The following PTPRZ1 variants were observed in gnomAD, a reference collection of about 807,000 sequenced individuals.
PTPRZ1 encodes the protein protein tyrosine phosphatase receptor type Z1.
A neutral mutation model predicts 214.1 loss-of-function variants in PTPRZ1; 82 were observed. The ratio of observed to expected loss-of-function variants is 0.38; its 90% CI spans 0.32 to 0.46. The LOEUF is 0.46. Ranked by LOEUF, PTPRZ1 falls within the 20% of genes least tolerant of loss-of-function variation. PTPRZ1 has a pLI of 1.00. For missense variants in PTPRZ1, 2,603 were observed against 2,748.7 expected, an observed-to-expected ratio of 0.95 and a Z score of 1.19; for synonymous variants, 945 against 987.9, an observed-to-expected ratio of 0.96 and a Z score of 0.81.
intron 2 of PTPRZ1, among the ~76,000 whole-genome samples, chr7:121,951,898 C>T (rs1184126731): frequency 6.6e-6 from 1 of 152,306 alleles, no homozygotes; most frequent in Non-Finnish European, 1.5e-5. Flanking sequence ...GAATCTTCCC[C>T]TGGGCTGAAA....
chr7:122,042,502 T>G, intron 21 of PTPRZ1, 106 bp from the exon 22 acceptor site: 1 of 1,165,388 alleles, frequency 8.6e-7, no homozygotes, highest in East Asian at 2.6e-5. Flanking sequence ...CTCACTCGCT[T>G]GAAGAAGGAA....
chr7:121,901,830 A>G (rs1424002090), intron 1 of PTPRZ1, among the ~76,000 whole-genome samples: 2 of 152,194 alleles, frequency 1.3e-5, no homozygotes, highest in African/African-American at 2.4e-5. Context: ...CCACCACCTC[A>G]AACACTTTTC....
rs1316724934 is a variant in PTPRZ1, at chr7:122,011,849, G to A, written c.2803G>A (p.Gly935Ser). ...TTCTTATGCCTTGTCTGATAATGAG[G>A]GCTCCCAACACATCTTCACTGTTTC... ...EPSYALSDNE[G>S]SQHIFTVSYS... Residue 935 changes from glycine (G) to serine (S), a missense_variant, in exon 12 of 30, where the codon GGC (glycine) becomes AGC (serine). Gly to Ser is a moderately conservative substitution (Grantham distance 56). This residue lies in a region of PTPRZ1 where 1,913 missense variants were observed against 1,914.3 expected (regional missense o/e 1.00). Coordinates refer to ENST00000393386, the MANE Select transcript of PTPRZ1 (RefSeq NM_002851.3). 5.0e-6 allele frequency: 8 copies of A among 1,613,684 alleles called. No individual in the cohort carries two copies. The highest frequency in any genetic ancestry group is 6.8e-6 in the Non-Finnish European group (8 of 1,179,696).
Position 122,059,803 on chromosome 7 carries a change from AC to A in PTPRZ1, c.6724del (p.Gln2242AsnfsTer2). On this transcript the variant is annotated frameshift_variant, in exon 29 of 30. Coordinates refer to ENST00000393386, the MANE Select transcript of PTPRZ1 (RefSeq NM_002851.3). LOFTEE classifies it high-confidence loss of function. ...GTFCALTTLM[H>X]QLEKENSVDV... ...TTCTGTGCTCTGACAACCCTTATGCACCAACTAGAAAAAGAAAATTCCGTGG... is the reference window on the plus strand; with the variant it reads ...TTCTGTGCTCTGACAACCCTTATGCACAACTAGAAAAAGAAAATTCCGTGG... 1 of 1,613,406 alleles carries A rather than the reference AC, an allele frequency of 6.2e-7. No homozygotes were observed. The highest frequency in any genetic ancestry group is 8.5e-7 in the Non-Finnish European group (1 of 1,179,750).
intron 1 of PTPRZ1, among the ~76,000 whole-genome samples, chr7:121,902,399 A>G (rs1794989286): frequency 6.6e-6 from 1 of 152,170 alleles, no homozygotes; most frequent in Non-Finnish European, 1.5e-5. Flanking sequence ...TGGTTGACAC[A>G]TGTGGTAGTT....
intron 13 of PTPRZ1, among the ~76,000 whole-genome samples, chr7:122,024,397 G>C (rs1799144849): frequency 6.6e-6 from 1 of 152,056 alleles, no homozygotes; most frequent in East Asian, 1.9e-4. Context: ...GTAGGGAGAT[G>C]AAAAGCAATA....
intron 8 of PTPRZ1, among the ~76,000 whole-genome samples, chr7:121,988,852 A>C (rs984822970): frequency 1.3e-5 from 2 of 152,222 alleles, no homozygotes; most frequent in African/African-American, 4.8e-5. Context: ...CATCCTTTAA[A>C]TAATTTAAAA....
intron 2 of PTPRZ1, among the ~76,000 whole-genome samples, chr7:121,932,748 GA>G (rs1014916755): frequency 2.0e-5 from 3 of 152,032 alleles, no homozygotes; most frequent in Admixed American, 6.6e-5. Context: ...AAGTAATTAT[GA>G]AAAAAATTAC....
chr7:122,006,421 A>G (rs1242259578), intron 11 of PTPRZ1, among the ~76,000 whole-genome samples: 2 of 152,050 alleles, frequency 1.3e-5, no homozygotes, highest in Non-Finnish European at 2.9e-5. Context: ...TCAGCCTCTA[A>G]TAACCACTAT....
chr7:121,875,079 A>G (rs926982648), intron 1 of PTPRZ1, among the ~76,000 whole-genome samples: 24 of 152,102 alleles, frequency 1.6e-4, no homozygotes, highest in African/African-American at 5.6e-4. Context: ...ACATTATACA[A>G]TTCATCTTTT....
chr7:122,038,584 C>T (rs1337210105), intron 18 of PTPRZ1, among the ~76,000 whole-genome samples, 171 bp from the exon 19 acceptor site: 1 of 144,664 alleles, frequency 6.9e-6, no homozygotes, highest in African/African-American at 2.6e-5. Context: ...TATTTTCTAA[C>T]CAAGAGTAGC....
intron 1 of PTPRZ1, chr7:121,908,654 T>TA: frequency 2.3e-6 from 1 of 443,778 alleles, no homozygotes; most frequent in East Asian, 6.3e-5. Flanking sequence ...AAGCAGCTTT[T>TA]AAAAATTAAA....
In PTPRZ1 at chr7:122,010,851, A is replaced by T. The variant is rs1163668598; in HGVS notation, c.1805A>T (p.Asn602Ile). The T allele has an allele frequency of 6.2e-7, 1 of 1,614,040 alleles. No individual in the cohort carries two copies. The highest frequency in any genetic ancestry group is 8.5e-7 in the Non-Finnish European group (1 of 1,180,034). ...TCTGCTATCCCATTCATCTCTGAGA[A>T]CATATCCCAAGGGTATATATTTTCC... The part of the protein sequence containing the change: ...ATSAIPFISE[N>I]ISQGYIFSSE... Residue 602 changes from asparagine to isoleucine, a missense_variant, in exon 12 of 30, where the codon AAC becomes ATC. By Grantham distance (149) the Asn-to-Ile change is moderately radical. Transcript: ENST00000393386.
At chr7:122,047,490 G>A (rs1166479861) in intron 23 of PTPRZ1, among the ~76,000 whole-genome samples, 2 of 152,178 alleles carry the variant, frequency 1.3e-5, no homozygotes, top group East Asian at 3.9e-4. Flanking sequence ...AAAGGAATTA[G>A]TGTTCAAAAT....
At chr7:121,947,703 A>G (rs1283144406) in intron 2 of PTPRZ1, among the ~76,000 whole-genome samples, 4 of 152,176 alleles carry the variant, frequency 2.6e-5, no homozygotes, top group Non-Finnish European at 1.5e-5. Context: ...AGGATGTTGC[A>G]CTGAGGATTT....
intron 20 of PTPRZ1, among the ~76,000 whole-genome samples, chr7:122,039,841 T>G (rs1326875046): frequency 6.6e-6 from 1 of 151,908 alleles, no homozygotes; most frequent in East Asian, 1.9e-4. Flanking sequence ...CTACTAAAAA[T>G]GCAAAAATTT....
rs141812059 is a variant in PTPRZ1, at chr7:122,013,277, G to T, written c.4231G>T (p.Gly1411Cys). 2 of 1,613,546 alleles carry T rather than the reference G, an allele frequency of 1.2e-6. No individual in the cohort carries two copies. The highest frequency in any genetic ancestry group is 1.7e-6 in the Non-Finnish European group (2 of 1,179,956). The change falls in exon 12 of 30, where the codon GGT (glycine) becomes TGT (cysteine). Residue 1411 changes from glycine to cysteine, a missense_variant. Physicochemically the swap from Gly to Cys is radical, Grantham distance 159. Coordinates refer to ENST00000393386, the MANE Select transcript of PTPRZ1 (RefSeq NM_002851.3). ...GAGTCATAGTGCCAAATCTGATGCC[G>T]GTTTAGTGGGTGGTGGTGAAGATGG... Reference protein sequence around the residue: ...ELSHSAKSDAGLVGGGEDGDT... With the variant: ...ELSHSAKSDACLVGGGEDGDT...
chr7:122,050,838 CAAAAAT>C (rs1330295172), intron 23 of PTPRZ1, among the ~76,000 whole-genome samples: 5 of 152,028 alleles, frequency 3.3e-5, no homozygotes, highest in African/African-American at 1.2e-4. Flanking sequence ...ACCCGACTGT[CAAAAAT>C]AAAACACTGA....
intron 8 of PTPRZ1, among the ~76,000 whole-genome samples, chr7:121,984,624 G>A (rs2116570924): frequency 6.6e-6 from 1 of 152,260 alleles, no homozygotes; most frequent in East Asian, 1.9e-4. Context: ...CCCCAAGAAG[G>A]AGCCTAGCAC....
Sources: gnomAD v4.1 joint callset for allele counts (sites outside exome capture counted in the v4.1 genomes callset) on GRCh38, gnomAD v4.1.1 for gene constraint, gnomAD v4.1.1 regional missense constraint, MANE v1.5 for transcripts, NCBI Gene and HGNC (gene_info 2026-07-23, HGNC 2026-07-21) for gene names.